SOX5: variants seen among roughly 807,000 people sequenced by gnomAD.
The protein encoded by SOX5 is transcription factor SOX-5.
SOX5 carries 9 observed loss-of-function variants against 92.0 expected under a neutral mutation model. The ratio of observed to expected loss-of-function variants is 0.10; its 90% CI spans 0.06 to 0.17. The LOEUF (loss-of-function observed/expected upper bound fraction) is 0.17. SOX5 is among the 10% of genes least tolerant of loss of function. SOX5 has a pLI of 1.00. For synonymous variants in SOX5, 344 were observed against 336.3 expected, an observed-to-expected ratio of 1.02 and a Z score of -0.25; for missense variants, 642 against 944.5, an observed-to-expected ratio of 0.68 and a Z score of 4.20.
chr12:24,507,722 C>T, intron 1 of SOX5, among the ~76,000 whole-genome samples: 1 of 151,888 alleles, frequency 6.6e-6, no homozygotes. Flanking sequence ...TTTGAAGACA[C>T]CTATGGAAAG....
At chr12:24,304,982 C>A (rs894788084) in intron 2 of SOX5, among the ~76,000 whole-genome samples, 1 of 152,100 alleles carries the variant, frequency 6.6e-6, no homozygotes, top group African/African-American at 2.4e-5. Context: ...CTAGGGGCAC[C>A]CTCCCCCTCA....
chr12:24,418,538 T>C (rs1156407805), intron 1 of SOX5, among the ~76,000 whole-genome samples: 1 of 152,196 alleles, frequency 6.6e-6, no homozygotes, highest in Non-Finnish European at 1.5e-5. Context: ...AACTCTGTGG[T>C]CATCAGACCT....
At chr12:23,826,485 C>T (rs2096236516) in intron 3 of SOX5, among the ~76,000 whole-genome samples, 1 of 152,082 alleles carries the variant, frequency 6.6e-6, no homozygotes, top group Non-Finnish European at 1.5e-5. Context: ...ACGTCTAATT[C>T]CTATCCCATT....
Position 24,481,871 on chromosome 12 carries a change from C to T in SOX5, c.-251+80458G>A, listed in dbSNP as rs190100458. ...TCTGGCTCATCTGCTGGCATGGTAC[C>T]TAAATTTAACTGGGTTCTGAGATAT... On this transcript the variant is annotated intron_variant, in intron 1 of 4. Transcript: ENST00000446891. Among the ~76,000 whole-genome samples, 4 of 152,226 alleles carry T rather than the reference C, an allele frequency of 2.6e-5. No homozygotes were observed. The East Asian group carries it at 7.7e-4, about 29-fold the overall frequency.
At chr12:24,090,049 A>C (rs1253806315) in intron 4 of SOX5, among the ~76,000 whole-genome samples, 1 of 152,178 alleles carries the variant, frequency 6.6e-6, no homozygotes, top group Non-Finnish European at 1.5e-5. Flanking sequence ...AAAATAAGAC[A>C]TTTTAATGAC....
intron 4 of SOX5, among the ~76,000 whole-genome samples, chr12:24,050,844 CTTA>C (rs746571139): frequency 2.8e-4 from 43 of 151,482 alleles, no homozygotes; most frequent in Admixed American, 1.2e-3. Flanking sequence ...TCTTCTTCTT[CTTA>C]TTATTATTAT....
intron 4 of SOX5, among the ~76,000 whole-genome samples, chr12:24,159,734 C>T (rs968640624): frequency 1.3e-5 from 2 of 152,058 alleles, no homozygotes; most frequent in South Asian, 4.1e-4. Context: ...TATCATTCAA[C>T]CTAACACAAC....
intron 3 of SOX5, among the ~76,000 whole-genome samples, chr12:24,222,729 A>G (rs527543444): frequency 6.6e-6 from 1 of 152,228 alleles, no homozygotes. Flanking sequence ...ATGATTACTG[A>G]TAACTAGTTG....
At chr12:24,332,749 G>A (rs946507527) in intron 2 of SOX5, among the ~76,000 whole-genome samples, 1 of 150,940 alleles carries the variant, frequency 6.6e-6, no homozygotes, top group East Asian at 2.0e-4. Flanking sequence ...TGAACGTAGT[G>A]ACCATTTGAA....
At chr12:24,451,803 G>C (rs1448174513) in intron 1 of SOX5, among the ~76,000 whole-genome samples, 1 of 152,184 alleles carries the variant, frequency 6.6e-6, no homozygotes, top group African/African-American at 2.4e-5. Context: ...CTACTGCATA[G>C]GGTTAGTATA....
chr12:24,009,041 T>C (rs1415577776), intron 4 of SOX5, among the ~76,000 whole-genome samples: 1 of 152,204 alleles, frequency 6.6e-6, no homozygotes, highest in Non-Finnish European at 1.5e-5. Context: ...GTGAAGAGGC[T>C]GCAGGGAAAA....
intron 4 of SOX5, among the ~76,000 whole-genome samples, chr12:24,152,196 A>T (rs1047906570): frequency 6.6e-6 from 1 of 152,158 alleles, no homozygotes; most frequent in Non-Finnish European, 1.5e-5. Flanking sequence ...GACATATGTC[A>T]TGGGTACAAC....
chr12:24,491,987 G>C (rs992920244), intron 1 of SOX5, among the ~76,000 whole-genome samples: 1 of 151,990 alleles, frequency 6.6e-6, no homozygotes, highest in Non-Finnish European at 1.5e-5. Context: ...TAATTGCTTT[G>C]AGACAATAAA....
At chr12:23,753,587 C>T (rs2094255293) in intron 4 of SOX5, among the ~76,000 whole-genome samples, 1 of 151,684 alleles carries the variant, frequency 6.6e-6, no homozygotes, top group African/African-American at 2.4e-5. Flanking sequence ...AAAAAGATTA[C>T]TTATTGTTCC....
intron 1 of SOX5, among the ~76,000 whole-genome samples, chr12:24,520,777 T>C (rs966907825): frequency 2.1e-4 from 32 of 152,036 alleles, no homozygotes; most frequent in African/African-American, 7.5e-4. Context: ...ACACATCAGC[T>C]GAAAGTGAAA....
intron 4 of SOX5, among the ~76,000 whole-genome samples, chr12:23,979,942 T>TAGAC (rs1419855577): frequency 0.047 from 4,193 of 88,588 alleles, 320 homozygotes; most frequent in East Asian, 0.38. Flanking sequence ...GACAGATAGA[T>TAGAC]AGATAGATAG....
At chr12:24,444,270 ATGTGTG>A (rs56206607) in intron 1 of SOX5, among the ~76,000 whole-genome samples, 2,494 of 149,096 alleles carry the variant, frequency 0.017, 59 homozygotes, top group African/African-American at 0.052. Context: ...AGGCCACTGA[ATGTGTG>A]TGTGTGTGTG....
At chr12:23,681,324 A>T (rs2086591695) in intron 6 of SOX5, among the ~76,000 whole-genome samples, 1 of 151,928 alleles carries the variant, frequency 6.6e-6, no homozygotes, top group Non-Finnish European at 1.5e-5. Flanking sequence ...GAATGCTAAA[A>T]ATTAATACAT....
intron 4 of SOX5, among the ~76,000 whole-genome samples, chr12:24,050,261 T>A (rs1209105588): frequency 1.3e-5 from 2 of 152,052 alleles, no homozygotes; most frequent in Admixed American, 6.6e-5. Flanking sequence ...TCAAGATTTT[T>A]AAAAAATGCT....
Sources: gnomAD v4.1 joint callset for allele counts (sites outside exome capture counted in the v4.1 genomes callset) on GRCh38, gnomAD v4.1.1 for gene constraint, MANE v1.5 for transcripts, NCBI Gene and HGNC (gene_info 2026-07-23, HGNC 2026-07-21) for gene names.